KIAA1217: variants seen among roughly 807,000 people sequenced by gnomAD.
The protein encoded by KIAA1217 is sickle tail protein homolog.
A neutral mutation model predicts 163.9 loss-of-function variants in KIAA1217; 88 were observed. That is an observed-to-expected ratio of 0.54 (90% CI 0.45 to 0.64). The LOEUF (loss-of-function observed/expected upper bound fraction) is 0.64, where lower values mean the gene tolerates loss of function less well. Among genes scored for constraint, KIAA1217 ranks in the 30% least tolerant of loss-of-function variants. The pLI, the probability that KIAA1217 is intolerant of heterozygous loss-of-function variation, is 0.00. For missense variants in KIAA1217, 2,372 were observed against 2,475.0 expected (o/e 0.96, Z 0.88); for synonymous variants, 903 against 923.1 (o/e 0.98, Z 0.39).
rs193015388 is a variant in KIAA1217, at chr10:24,360,098, G to A, written c.355-20771G>A. Among the ~76,000 whole-genome samples, 543 of 132,732 alleles carry A rather than the reference G, an allele frequency of 4.1e-3. 4 individuals carry two copies. Among genetic ancestry groups the A allele is most frequent in the Non-Finnish European group, 4.0e-3 (260 of 64,598 alleles). 87.1% of individuals were successfully genotyped at this position (132,732 alleles called of 152,430 possible). ...CTCTTACTCTGTCGCCCAGGCCGGA[G>A]TACAGTGGCACAATCTGGGATCACT... On this transcript the variant is annotated intron_variant, in intron 2 of 20. Transcript: ENST00000376454.
intron 1 of KIAA1217, among the ~76,000 whole-genome samples, chr10:23,706,013 G>A (rs1435770805): frequency 6.6e-6 from 1 of 151,752 alleles, no homozygotes; most frequent in East Asian, 1.9e-4. Context: ...TATTTTAAAT[G>A]TTGTTGTAAA....
At chr10:24,369,599 A>G (rs1161324015) in intron 2 of KIAA1217, among the ~76,000 whole-genome samples, 2 of 152,200 alleles carry the variant, frequency 1.3e-5, no homozygotes, top group Non-Finnish European at 2.9e-5. Context: ...ACTGAAGCCT[A>G]GGTTGCAGAG....
At position 23,792,424 on chromosome 10, in the gene KIAA1217, AC is replaced by A. The variant is rs1482709334; in HGVS notation, c.-321+97192del. On this transcript the variant is annotated intron_variant, in intron 1 of 18. Transcript: ENST00000376462. ...TCCGCATATTAGTCTTTTTGAATGG[AC>A]CTAACTTGAATGTCATTACTGTTAA... 2.6e-5 allele frequency among the ~76,000 whole-genome samples: 4 copies of A among 152,162 alleles called. No individual in the cohort carries two copies. The East Asian group carries it at 7.7e-4, about 29-fold the overall frequency.
At chr10:24,180,096 A>T (rs797018550) in intron 2 of KIAA1217, among the ~76,000 whole-genome samples, 7 of 152,234 alleles carry the variant, frequency 4.6e-5, no homozygotes, top group African/African-American at 1.7e-4. Context: ...TTAGGCAAAA[A>T]TAGGGGTGGC....
intron 5 of KIAA1217, among the ~76,000 whole-genome samples, chr10:24,444,492 T>C (rs2060761092): frequency 6.6e-6 from 1 of 152,206 alleles, no homozygotes. Context: ...TGCAAAAGAC[T>C]GTACACTCTT....
At chr10:24,286,522 C>T (rs1003882862) in intron 2 of KIAA1217, among the ~76,000 whole-genome samples, 2 of 151,594 alleles carry the variant, frequency 1.3e-5, no homozygotes, top group Admixed American at 6.6e-5. Flanking sequence ...TGTGCAAGAC[C>T]GGGACTTGAC....
At chr10:24,438,513 A>G (rs769164727) in intron 5 of KIAA1217, 34 bp downstream of exon 5, 2 of 1,397,182 alleles carry the variant, frequency 1.4e-6, no homozygotes, top group Admixed American at 3.3e-5. Context: ...ACTTATCTTC[A>G]GTGGGTCAAA....
intron 1 of KIAA1217, among the ~76,000 whole-genome samples, chr10:23,900,080 T>TA (rs1841891747): frequency 6.6e-6 from 1 of 151,638 alleles, no homozygotes; most frequent in Non-Finnish European, 1.5e-5. Flanking sequence ...GATCTTGGCT[T>TA]ACTGCAACCT....
At chr10:23,758,694 T>C (rs1373722484) in intron 1 of KIAA1217, among the ~76,000 whole-genome samples, 1 of 145,400 alleles carries the variant, frequency 6.9e-6, no homozygotes, top group Non-Finnish European at 1.5e-5. Flanking sequence ...TTCTTTTTTT[T>C]TTTTTTTTTG....
rs75010943 is a variant in KIAA1217, at chr10:24,378,804, C to T, written c.355-2065C>T. On this transcript the variant is annotated intron_variant, in intron 2 of 20. Transcript: ENST00000376454. ...ATGTAGTGATCGTTTTCAGTGAGAA[C>T]GTGAATAACAACAAAAAGAGGAGTT... 3.9e-5 allele frequency among the ~76,000 whole-genome samples: 6 copies of T among 152,100 alleles called. No homozygotes were observed. In the East Asian group the frequency reaches 9.7e-4, roughly 24 times the overall value.
intron 1 of KIAA1217, among the ~76,000 whole-genome samples, chr10:23,826,007 C>T (rs1837878329): frequency 6.6e-6 from 1 of 152,130 alleles, no homozygotes; most frequent in African/African-American, 2.4e-5. Context: ...TTGTTAGTTA[C>T]CATCTCCTTG....
chr10:23,940,054 T>C (rs964926450), intron 1 of KIAA1217, among the ~76,000 whole-genome samples: 1 of 151,956 alleles, frequency 6.6e-6, no homozygotes, highest in South Asian at 2.1e-4. Context: ...GGTTTATTTT[T>C]TAATGATAAA....
At chr10:23,742,730 T>TAGGA (rs1262175800) in intron 1 of KIAA1217, among the ~76,000 whole-genome samples, 1 of 152,046 alleles carries the variant, frequency 6.6e-6, no homozygotes, top group African/African-American at 2.4e-5. Context: ...CCTCCAACAT[T>TAGGA]AGGAATTACA....
chr10:24,546,363 A>T lies in KIAA1217; in HGVS notation c.*39A>T, dbSNP rs756049252. On this transcript the variant is annotated 3_prime_UTR_variant, in exon 21 of 21. Transcript: ENST00000376454. ...TTAGGCACAAGTCGGAGTTACATTTAAAAAAAATTAACAGTCTACAACAAC... is the reference window on the plus strand; with the variant it reads ...TTAGGCACAAGTCGGAGTTACATTTTAAAAAAATTAACAGTCTACAACAAC... 1.5e-5 allele frequency: 23 copies of T among 1,521,528 alleles called. No individual in the cohort carries two copies. Among genetic ancestry groups the T allele is most frequent in the Admixed American group, 2.2e-5 (1 of 45,140 alleles). The allele number at this position is 1,521,528 out of a possible 1,614,324, so 94.3% of individuals were successfully genotyped here. A position where few individuals can be genotyped will look rare whatever the true frequency, so the allele number is the denominator to read the frequency against.
intron 2 of KIAA1217, among the ~76,000 whole-genome samples, chr10:24,194,909 G>A (rs959442314): frequency 1.3e-5 from 2 of 151,674 alleles, no homozygotes; most frequent in African/African-American, 2.4e-5. Flanking sequence ...TGTCCAGCCC[G>A]TGTCTTTATT....
At chr10:24,158,193 T>C in intron 2 of KIAA1217, 1 of 740,660 alleles carries the variant, frequency 1.4e-6, no homozygotes. Flanking sequence ...TGCAGAGTCC[T>C]CTTACTGGAG....
chr10:23,851,675 C>T lies in KIAA1217; in HGVS notation c.-320-155550C>T, dbSNP rs1338565130. On this transcript the variant is annotated intron_variant, in intron 1 of 18. Coordinates refer to the KIAA1217 transcript ENST00000376462. ...TTCTCCACATCCTCTCCAGCACCTG[C>T]TGTTTCCTGACTTTTTAATGATTGC... Among the ~76,000 whole-genome samples the T allele has an allele frequency of 1.0e-3, 156 of 152,172 alleles. 1 individual carries two copies. Among genetic ancestry groups the T allele is most frequent in the Admixed American group, 1.9e-3 (29 of 15,262 alleles).
At chr10:23,828,581 C>T (rs1838016585) in intron 1 of KIAA1217, among the ~76,000 whole-genome samples, 1 of 152,118 alleles carries the variant, frequency 6.6e-6, no homozygotes, top group African/African-American at 2.4e-5. Flanking sequence ...AAGCTGTGTT[C>T]CAAAAGCTAA....
At chr10:23,924,482 T>A (rs1188316061) in intron 1 of KIAA1217, among the ~76,000 whole-genome samples, 1 of 152,176 alleles carries the variant, frequency 6.6e-6, no homozygotes, top group Non-Finnish European at 1.5e-5. Context: ...ATGATACCGA[T>A]TTTGTGACAA....
Sources: allele counts gnomAD v4.1 joint callset (sites outside exome capture counted in the v4.1 genomes callset), GRCh38; gene constraint gnomAD v4.1.1; transcripts MANE v1.5; gene names NCBI Gene and HGNC (gene_info 2026-07-23, HGNC 2026-07-21).